Variants in FOXP1 observed in about 807,000 individuals in gnomAD.
The protein encoded by FOXP1 is forkhead box protein P1.
In FOXP1, 15 loss-of-function variants were observed where a neutral mutation model predicts 98.2. The ratio of observed to expected loss-of-function variants is 0.15; its 90% confidence interval spans 0.10 to 0.24. FOXP1 has a LOEUF of 0.24. FOXP1 is among the 10% of genes least tolerant of loss of function. FOXP1 has a pLI of 1.00. For synonymous variants in FOXP1, 371 were observed against 314.5 expected (o/e 1.18, Z -1.90); for missense variants, 633 against 848.5 (o/e 0.75, Z 3.15).
intron 11 of FOXP1, among the ~76,000 whole-genome samples, chr3:71,041,114 G>A (rs1211306114): frequency 6.6e-6 from 1 of 152,094 alleles, no homozygotes. Context: ...CCTAAGCTGA[G>A]AGTAGATCTA....
chr3:71,580,717 C>G (rs886729974), intron 2 of FOXP1: 6 of 925,382 alleles, frequency 6.5e-6, no homozygotes, highest in African/African-American at 1.8e-5. Flanking sequence ...TGCAGCGATT[C>G]TTCAATATAT....
At chr3:71,558,083 A>G (rs2046268565) in intron 2 of FOXP1, among the ~76,000 whole-genome samples, 1 of 152,194 alleles carries the variant, frequency 6.6e-6, no homozygotes, top group East Asian at 1.9e-4. Flanking sequence ...GGCGTGAGCC[A>G]CCACACCCAG....
At chr3:71,394,616 T>C (rs2081250887) in intron 3 of FOXP1, among the ~76,000 whole-genome samples, 1 of 152,208 alleles carries the variant, frequency 6.6e-6, no homozygotes, top group Non-Finnish European at 1.5e-5. Flanking sequence ...CAACTTTGTA[T>C]TTTGTATATG....
chr3:71,239,578 C>T (rs779996618), intron 5 of FOXP1, among the ~76,000 whole-genome samples: 2 of 151,966 alleles, frequency 1.3e-5, no homozygotes, highest in Non-Finnish European at 2.9e-5. Context: ...AAAAAGAAAA[C>T]CAAAAAGCTC....
chr3:71,207,538 C>T (rs937587045), intron 5 of FOXP1, among the ~76,000 whole-genome samples: 1 of 152,156 alleles, frequency 6.6e-6, no homozygotes, highest in Non-Finnish European at 1.5e-5. Flanking sequence ...TATTTTCCCC[C>T]CTGAAACTTG....
At chr3:70,975,288 A>G (rs1258655375) in intron 17 of FOXP1, among the ~76,000 whole-genome samples, 1 of 152,230 alleles carries the variant, frequency 6.6e-6, no homozygotes, top group Non-Finnish European at 1.5e-5. Context: ...TAAAGCATTC[A>G]TGGCTAAAGA....
chr3:71,527,406 G>T (rs561702415), intron 2 of FOXP1, among the ~76,000 whole-genome samples: 1 of 152,298 alleles, frequency 6.6e-6, no homozygotes, highest in Non-Finnish European at 1.5e-5. Context: ...CCTGTGATGA[G>T]ATCTGCTCCC....
chr3:71,583,950 C>G, upstream of FOXP1: 8 of 983,272 alleles, frequency 8.1e-6, no homozygotes, highest in Non-Finnish European at 9.7e-6. Flanking sequence ...GGGAGCGGCT[C>G]CCTCTTTGCC....
intron 2 of FOXP1, among the ~76,000 whole-genome samples, chr3:71,502,610 T>G (rs1320982887): frequency 6.6e-6 from 1 of 152,198 alleles, no homozygotes; most frequent in Non-Finnish European, 1.5e-5. Context: ...TTCAAAGGCT[T>G]GAACTGGGTT....
chr3:71,581,963 G>T (rs965071360), intron 1 of FOXP1: 6 of 971,602 alleles, frequency 6.2e-6, no homozygotes, highest in Non-Finnish European at 7.3e-6. Flanking sequence ...CAAAAAGGAG[G>T]GGGGAGGAAT....
At chr3:70,972,066 G>A (rs1373272325) in intron 18 of FOXP1, 5 of 1,516,800 alleles carry the variant, frequency 3.3e-6, no homozygotes, top group Non-Finnish European at 4.4e-6. Context: ...GGACGGCCTC[G>A]TTGAATATGG....
At chr3:71,183,987 T>C (rs1362585109) in intron 6 of FOXP1, among the ~76,000 whole-genome samples, 5 of 152,102 alleles carry the variant, frequency 3.3e-5, no homozygotes, top group Non-Finnish European at 1.5e-5. Flanking sequence ...ACCCTGTCTC[T>C]ACTAAAAATA....
chr3:70,988,452 G>A (rs2040107815), intron 13 of FOXP1, among the ~76,000 whole-genome samples: 1 of 152,254 alleles, frequency 6.6e-6, no homozygotes, highest in South Asian at 2.1e-4. Flanking sequence ...TGTTGTGGTT[G>A]TGGAAAAACT....
chr3:71,494,917 G>GAAA (rs796116319), intron 2 of FOXP1, among the ~76,000 whole-genome samples: 1 of 98,986 alleles, frequency 1.0e-5, no homozygotes, highest in Admixed American at 1.1e-4. Context: ...ATGTCACATA[G>GAAA]AAAAAAAAAA....
Position 71,303,138 on chromosome 3 carries a change from T to C in FOXP1, c.-72-3258A>G, listed in dbSNP as rs574514325. ...TATCAGCTCTTTTTTTCCCCATTTA[T>C]AGTATTTCCCCCTTCCCTTTCTTGA... On this transcript the variant is annotated intron_variant, in intron 4 of 20. Coordinates refer to ENST00000649528, the MANE Select transcript of FOXP1 (RefSeq NM_001349338.3). Among the ~76,000 whole-genome samples the C allele has an allele frequency of 3.2e-4, 49 of 152,310 alleles. 1 individual carries two copies. The South Asian group carries it at 6.6e-3, about 21-fold the overall frequency.
chr3:71,003,565 C>T (rs78076685), intron 12 of FOXP1, among the ~76,000 whole-genome samples: 244 of 152,074 alleles, frequency 1.6e-3, no homozygotes, highest in Non-Finnish European at 3.1e-3. Context: ...TATAATTATG[C>T]GTGATTATTT....
intron 5 of FOXP1, among the ~76,000 whole-genome samples, chr3:71,225,904 C>T (rs919366972): frequency 6.6e-6 from 1 of 152,162 alleles, no homozygotes; most frequent in African/African-American, 2.4e-5. Flanking sequence ...GGGCCCAAGA[C>T]GGACTGAGAA....
At chr3:71,033,183 G>T (rs2047102058) in intron 11 of FOXP1, among the ~76,000 whole-genome samples, 1 of 152,144 alleles carries the variant, frequency 6.6e-6, no homozygotes. Context: ...CAAAATGCCT[G>T]GGTGCCAACA....
At chr3:71,251,922 G>T (rs2068222729) in intron 5 of FOXP1, among the ~76,000 whole-genome samples, 1 of 152,036 alleles carries the variant, frequency 6.6e-6, no homozygotes. Flanking sequence ...ATCCCAACTC[G>T]TTCTTTCTCT....
Sources: gnomAD v4.1 joint callset for allele counts (sites outside exome capture counted in the v4.1 genomes callset) on GRCh38, gnomAD v4.1.1 for gene constraint, MANE v1.5 for transcripts, NCBI Gene and HGNC (gene_info 2026-07-23, HGNC 2026-07-21) for gene names.